Variants in FAM169A observed in about 807,000 individuals in gnomAD.
FAM169A encodes the protein soluble lamin-associated protein of 75 kDa.
A neutral mutation model predicts 75.7 loss-of-function variants in FAM169A; 24 were observed. That is an observed-to-expected ratio of 0.32 (90% CI 0.23 to 0.45). FAM169A has a LOEUF of 0.45. Ranked by LOEUF, FAM169A falls within the 20% of genes least tolerant of loss-of-function variation. The pLI, the probability that FAM169A is intolerant of heterozygous loss-of-function variation, is 1.00. For synonymous variants in FAM169A, 271 were observed against 271.0 expected (o/e 1.00, Z 0.00); for missense variants, 673 against 784.0 (o/e 0.86, Z 1.69).
At chr5:74,819,417 T>G (rs768733571) in intron 5 of FAM169A, among the ~76,000 whole-genome samples, 108 of 152,236 alleles carry the variant, frequency 7.1e-4, no homozygotes, top group Middle Eastern at 3.4e-3. Context: ...TTGGCTAAGA[T>G]GTGGAGAAAC....
At chr5:74,853,589 A>G (rs1749553325) in intron 1 of FAM169A, among the ~76,000 whole-genome samples, 1 of 152,222 alleles carries the variant, frequency 6.6e-6, no homozygotes, top group Admixed American at 6.5e-5. Context: ...ATAAAATTAA[A>G]GAATGTAACA....
At chr5:74,814,243 C>G (rs1747356570) in intron 5 of FAM169A, among the ~76,000 whole-genome samples, 1 of 152,034 alleles carries the variant, frequency 6.6e-6, no homozygotes. Context: ...CTAGTAGTAT[C>G]ATCAAATATA....
At chr5:74,866,144 G>A (rs1750329463) in intron 1 of FAM169A, 21 bp downstream of exon 1, 1 of 974,208 alleles carries the variant, frequency 1.0e-6, no homozygotes, top group Non-Finnish European at 1.2e-6. Flanking sequence ...GGTCCGCGCC[G>A]GGGAGAGGGA....
chr5:74,809,320 T>C (rs1447290943), intron 6 of FAM169A, among the ~76,000 whole-genome samples: 2 of 151,922 alleles, frequency 1.3e-5, no homozygotes, highest in African/African-American at 4.8e-5. Flanking sequence ...CTCGGCCAGG[T>C]GTGGTGGCTC....
intron 5 of FAM169A, among the ~76,000 whole-genome samples, chr5:74,831,351 T>C (rs994994695): frequency 2.0e-5 from 3 of 152,206 alleles, no homozygotes; most frequent in African/African-American, 7.2e-5. Flanking sequence ...TTCTAAAGAA[T>C]AGATTGACTT....
At chr5:74,860,316 A>T (rs925651786) in intron 1 of FAM169A, among the ~76,000 whole-genome samples, 8 of 152,254 alleles carry the variant, frequency 5.3e-5, no homozygotes, top group African/African-American at 1.9e-4. Flanking sequence ...AAAATTCTTT[A>T]CTAATATGGT....
chr5:74,853,995 T>A (rs1170195428), intron 1 of FAM169A, among the ~76,000 whole-genome samples: 3 of 151,860 alleles, frequency 2.0e-5, no homozygotes, highest in African/African-American at 7.3e-5. Flanking sequence ...ACCCAATATA[T>A]CTTTTATTTT....
At chr5:74,817,973 GTACCT>G (rs1747558180) in intron 5 of FAM169A, among the ~76,000 whole-genome samples, 1 of 152,114 alleles carries the variant, frequency 6.6e-6, no homozygotes, top group Non-Finnish European at 1.5e-5. Flanking sequence ...ATGATGTCAG[GTACCT>G]TCCTAGAATC....
intron 1 of FAM169A, among the ~76,000 whole-genome samples, chr5:74,853,242 A>T (rs1749533633): frequency 6.6e-6 from 1 of 152,246 alleles, no homozygotes; most frequent in South Asian, 2.1e-4. Context: ...AATGTCATTT[A>T]CAATCTTTTT....
intron 1 of FAM169A, among the ~76,000 whole-genome samples, chr5:74,851,131 A>T (rs892897211): frequency 6.6e-6 from 1 of 152,218 alleles, no homozygotes; most frequent in African/African-American, 2.4e-5. Flanking sequence ...GGAAGGATAC[A>T]TTATAGTGTT....
At chr5:74,788,038 C>T (rs1423863107) in intron 11 of FAM169A, among the ~76,000 whole-genome samples, 1 of 152,156 alleles carries the variant, frequency 6.6e-6, no homozygotes, top group Non-Finnish European at 1.5e-5. Context: ...AAGGAGACCT[C>T]TGGCCTTTTA....
chr5:74,864,057 CGATATTTTTGCCAGG>C (rs1750176115), intron 1 of FAM169A, among the ~76,000 whole-genome samples: 2 of 152,188 alleles, frequency 1.3e-5, no homozygotes, highest in South Asian at 4.2e-4. Flanking sequence ...ATGGGAAGCA[CGATATTTTTGCCAGG>C]GATGGTACAC....
At position 74,779,654 on chromosome 5, in the gene FAM169A, G is replaced by GA. The variant is rs2112441665; in HGVS notation, c.*1805dup. On this transcript the variant is annotated 3_prime_UTR_variant, in exon 13 of 13. Transcript: ENST00000687041. ...TTTTTACTTAGTATTAGCATTTGTT[G>GA]AAAAAATAAATGGCCAAAGTGCTTT... The GA allele has an allele frequency of 6.6e-6, 1 of 150,826 alleles. No homozygotes were observed. The highest frequency in any genetic ancestry group is 2.4e-5 in the African/African-American group (1 of 41,132). The allele number at this position is 150,826 out of a possible 1,614,324, so 9.3% of individuals were successfully genotyped here.
intron 1 of FAM169A, among the ~76,000 whole-genome samples, chr5:74,843,422 G>A (rs2112683255): frequency 6.6e-6 from 1 of 152,234 alleles, no homozygotes; most frequent in East Asian, 1.9e-4. Flanking sequence ...AATGCACCCT[G>A]TCGGAGATTA....
chr5:74,791,912 G>C (rs1745997659), intron 11 of FAM169A, among the ~76,000 whole-genome samples: 1 of 152,228 alleles, frequency 6.6e-6, no homozygotes, highest in African/African-American at 2.4e-5. Context: ...TAATTGTCAT[G>C]AGTATTTCTT....
At chr5:74,839,435 T>TGTAA (rs943628355) in intron 3 of FAM169A, among the ~76,000 whole-genome samples, 3 of 152,122 alleles carry the variant, frequency 2.0e-5, no homozygotes, top group African/African-American at 7.2e-5. Flanking sequence ...CCTGCAACCA[T>TGTAA]GTAAGACGTG....
chr5:74,826,565 A>T (rs1435591711), intron 5 of FAM169A, among the ~76,000 whole-genome samples: 1 of 152,236 alleles, frequency 6.6e-6, no homozygotes, highest in Non-Finnish European at 1.5e-5. Flanking sequence ...TCCTTGTGAT[A>T]TCTAAAAATT....
chr5:74,840,454 G>T (rs1748798520), intron 2 of FAM169A, among the ~76,000 whole-genome samples: 1 of 148,802 alleles, frequency 6.7e-6, no homozygotes, highest in South Asian at 2.1e-4. Flanking sequence ...GGCCCATAAA[G>T]TCATTTAAAA....
chr5:74,791,509 G>C (rs1055009250), intron 11 of FAM169A, among the ~76,000 whole-genome samples: 2 of 152,154 alleles, frequency 1.3e-5, no homozygotes, highest in African/African-American at 4.8e-5. Flanking sequence ...GGACACTTTG[G>C]GCTCCTCCTA....
Sources: gnomAD v4.1 joint callset for allele counts (sites outside exome capture counted in the v4.1 genomes callset) on GRCh38, gnomAD v4.1.1 for gene constraint, MANE v1.5 for transcripts, NCBI Gene and HGNC (gene_info 2026-07-23, HGNC 2026-07-21) for gene names.